Variants in DYM observed in about 807,000 individuals in gnomAD.
The protein encoded by DYM is dymeclin.
A neutral mutation model predicts 93.1 loss-of-function variants in DYM; 78 were observed. That is an observed-to-expected ratio of 0.84 (90% CI 0.70 to 1.01). The LOEUF is 1.01. DYM is among the 50% of genes least tolerant of loss of function. The pLI is 0.00. For missense variants in DYM, 789 were observed against 845.0 expected, an observed-to-expected ratio of 0.93 and a Z score of 0.82; for synonymous variants, 321 against 319.7, an observed-to-expected ratio of 1.00 and a Z score of -0.04.
At chr18:49,196,529 G>C (rs2091468036) in intron 14 of DYM, among the ~76,000 whole-genome samples, 1 of 152,152 alleles carries the variant, frequency 6.6e-6, no homozygotes, top group Non-Finnish European at 1.5e-5. Context: ...AAAAGTGAGA[G>C]AGTGCGAGGG....
intron 15 of DYM, among the ~76,000 whole-genome samples, chr18:49,119,666 A>T (rs546450381): frequency 6.6e-6 from 1 of 152,346 alleles, no homozygotes; most frequent in African/African-American, 2.4e-5. Flanking sequence ...TGGTTAAGGG[A>T]TTTAAAAGGA....
At chr18:49,196,068 G>C (rs1160841143) in intron 14 of DYM, among the ~76,000 whole-genome samples, 1 of 151,814 alleles carries the variant, frequency 6.6e-6, no homozygotes, top group Non-Finnish European at 1.5e-5. Context: ...GGGATCACAG[G>C]CACCCACCAC....
intron 10 of DYM, among the ~76,000 whole-genome samples, chr18:49,273,713 G>T (rs1272294459): frequency 6.6e-6 from 1 of 151,992 alleles, no homozygotes; most frequent in Admixed American, 6.6e-5. Context: ...CTAGGTTTGT[G>T]TAAGTACATG....
chr18:49,219,257 A>C (rs1253310707), intron 13 of DYM, among the ~76,000 whole-genome samples: 6 of 152,228 alleles, frequency 3.9e-5, no homozygotes. Context: ...AATTGTGGCA[A>C]TAATCAATAG....
At chr18:49,430,955 T>C (rs1189408380) in intron 1 of DYM, among the ~76,000 whole-genome samples, 1 of 151,964 alleles carries the variant, frequency 6.6e-6, no homozygotes, top group African/African-American at 2.4e-5. Context: ...TCCGAATCTA[T>C]ATTGTACTTG....
intron 14 of DYM, among the ~76,000 whole-genome samples, chr18:49,198,006 C>A (rs1288466263): frequency 6.6e-6 from 1 of 152,200 alleles, no homozygotes; most frequent in Non-Finnish European, 1.5e-5. Context: ...GTAACCAAAA[C>A]AGCATGGTAC....
At chr18:49,337,833 T>C (rs1041380989) in intron 6 of DYM, among the ~76,000 whole-genome samples, 1 of 152,142 alleles carries the variant, frequency 6.6e-6, no homozygotes, top group African/African-American at 2.4e-5. Flanking sequence ...ATGATGATAT[T>C]TGAGCAGACG....
chr18:49,074,611 C>T (rs1599543719), intron 17 of DYM, among the ~76,000 whole-genome samples: 3 of 152,288 alleles, frequency 2.0e-5, no homozygotes, highest in East Asian at 3.9e-4. Flanking sequence ...AACTAGGGCT[C>T]ATTACCTGTG....
chr18:49,050,004 A>G (rs911740792), intron 17 of DYM, among the ~76,000 whole-genome samples: 6 of 151,538 alleles, frequency 4.0e-5, no homozygotes, highest in Admixed American at 1.3e-4. Flanking sequence ...TCTCAGAGTC[A>G]GGCTCAACTG....
intron 2 of DYM, 61 bp downstream of exon 2, chr18:49,430,194 C>T (rs1240765286): frequency 6.6e-7 from 1 of 1,525,754 alleles, no homozygotes; most frequent in Non-Finnish European, 9.1e-7. Context: ...TTTTAATCAG[C>T]ATACCACACA....
chr18:49,457,089 C>T (rs1204417904), intron 1 of DYM, among the ~76,000 whole-genome samples: 1 of 152,222 alleles, frequency 6.6e-6, no homozygotes, highest in Non-Finnish European at 1.5e-5. Flanking sequence ...CTCTTCTAGG[C>T]TCACAGCACT....
intron 13 of DYM, among the ~76,000 whole-genome samples, chr18:49,217,928 C>T (rs1177623906): frequency 6.6e-6 from 1 of 152,160 alleles, no homozygotes; most frequent in African/African-American, 2.4e-5. Flanking sequence ...TGTAAATGGA[C>T]TAAATGCTCC....
At chr18:49,233,277 G>T (rs368307177) in intron 13 of DYM, among the ~76,000 whole-genome samples, 1 of 151,178 alleles carries the variant, frequency 6.6e-6, no homozygotes, top group Admixed American at 6.6e-5. Flanking sequence ...GAGAATTGCT[G>T]GAACCCAGGA....
chr18:49,372,622 G>A (rs570426438), intron 5 of DYM, among the ~76,000 whole-genome samples: 2 of 152,272 alleles, frequency 1.3e-5, no homozygotes, highest in East Asian at 3.9e-4. Flanking sequence ...GCAGGCACCT[G>A]TAATCCCAGC....
chr18:49,189,819 T>C (rs2090800745), intron 14 of DYM, among the ~76,000 whole-genome samples: 1 of 152,200 alleles, frequency 6.6e-6, no homozygotes, highest in African/African-American at 2.4e-5. Flanking sequence ...ACAACCATGA[T>C]AACAGGAAAT....
chr18:49,325,296 G>T (rs2062804066), intron 8 of DYM, among the ~76,000 whole-genome samples: 1 of 152,248 alleles, frequency 6.6e-6, no homozygotes, highest in Non-Finnish European at 1.5e-5. Flanking sequence ...TCCTTACCAG[G>T]CTTCCAGCAA....
chr18:49,217,755 C>T (rs2093146921), intron 13 of DYM, among the ~76,000 whole-genome samples: 1 of 152,130 alleles, frequency 6.6e-6, no homozygotes, highest in African/African-American at 2.4e-5. Context: ...CTGAAGGAAG[C>T]ACTAAACATG....
intron 10 of DYM, among the ~76,000 whole-genome samples, chr18:49,272,566 G>A (rs1343768212): frequency 6.6e-6 from 1 of 152,106 alleles, no homozygotes; most frequent in African/African-American, 2.4e-5. Flanking sequence ...GGACCATTTA[G>A]GCTCGTTGTT....
In DYM at chr18:49,265,025, C is replaced by T. The variant is rs576020248; in HGVS notation, c.1252-6532G>A. Among the ~76,000 whole-genome samples the T allele has an allele frequency of 1.3e-3, 203 of 152,276 alleles. 1 individual carries two copies. The highest frequency in any genetic ancestry group is 4.5e-3 in the African/African-American group (188 of 41,562). On this transcript the variant is annotated intron_variant, in intron 11 of 17. Coordinates refer to ENST00000675505, the MANE Select transcript of DYM (RefSeq NM_001353214.3). ...GTGGTTCATGCTCATTAAATGCTTA[C>T]CAAATTAGTAATACCAAATATACTA...
Sources: allele counts gnomAD v4.1 joint callset (sites outside exome capture counted in the v4.1 genomes callset), GRCh38; gene constraint gnomAD v4.1.1; transcripts MANE v1.5; gene names NCBI Gene and HGNC (gene_info 2026-07-23, HGNC 2026-07-21).